CA5A: variants seen among roughly 807,000 people sequenced by gnomAD.
CA5A encodes the protein carbonic anhydrase 5A, mitochondrial.
In CA5A, 28 loss-of-function variants were observed where a neutral mutation model predicts 37.1. The observed-to-expected ratio is 0.75, with a 90% CI of 0.56 to 1.03. The LOEUF (loss-of-function observed/expected upper bound fraction) is 1.03. Ranked by LOEUF, CA5A falls within the 50% of genes least tolerant of loss-of-function variation. CA5A has a pLI of 0.00. For synonymous variants in CA5A, 171 were observed against 158.4 expected, an observed-to-expected ratio of 1.08 and a Z score of -0.60; for missense variants, 444 against 399.9, an observed-to-expected ratio of 1.11 and a Z score of -0.94.
chr16:87,927,079 C>T (rs747921262), intron 1 of CA5A, 134 bp from the exon 2 acceptor site: 17 of 663,396 alleles, frequency 2.6e-5, no homozygotes, highest in South Asian at 3.7e-5. Context: ...GGGAAACGGG[C>T]GCGTGGGGGC....
chr16:87,897,653 C>G (rs1012316106), intron 5 of CA5A, among the ~76,000 whole-genome samples: 1 of 152,220 alleles, frequency 6.6e-6, no homozygotes, highest in African/African-American at 2.4e-5. Flanking sequence ...TGGGTTCTGA[C>G]TGCATGCGGG....
At chr16:87,918,465 C>T (rs1327300359) in intron 2 of CA5A, among the ~76,000 whole-genome samples, 1 of 152,182 alleles carries the variant, frequency 6.6e-6, no homozygotes, top group African/African-American at 2.4e-5. Context: ...GCCCTTGCCG[C>T]CACCTCTGTT....
chr16:87,914,361 G>A (rs1453044007), intron 2 of CA5A, among the ~76,000 whole-genome samples: 1 of 152,174 alleles, frequency 6.6e-6, no homozygotes. Context: ...TCAGGCAACC[G>A]CCAGCAGCAC....
At chr16:87,902,595 A>C (rs1013193368) in intron 3 of CA5A, 75 bp from the exon 4 acceptor site, 2 of 811,902 alleles carry the variant, frequency 2.5e-6, no homozygotes, top group Non-Finnish European at 4.3e-6. Flanking sequence ...TGAATGGCTG[A>C]CCTATGTGTC....
At chr16:87,887,053 C>A (rs144869957), downstream of CA5A, 10,116 of 151,604 alleles carry the variant, frequency 0.067, 366 homozygotes, top group Middle Eastern at 0.15. Flanking sequence ...CAGGCATGAG[C>A]CACCACACCT....
intron 2 of CA5A, among the ~76,000 whole-genome samples, chr16:87,916,791 G>C (rs763912914): frequency 1.1e-4 from 17 of 152,086 alleles, no homozygotes; most frequent in Admixed American, 2.0e-4. Flanking sequence ...GAAGCGTCTG[G>C]GAAGCTGGAC....
chr16:87,922,511 G>A (rs531881910), intron 2 of CA5A, among the ~76,000 whole-genome samples: 2 of 152,234 alleles, frequency 1.3e-5, no homozygotes, highest in Non-Finnish European at 2.9e-5. Flanking sequence ...AAAATGACAA[G>A]TGTGCCCTTA....
intron 2 of CA5A, 69 bp from the exon 3 acceptor site, chr16:87,904,973 C>T: frequency 1.1e-6 from 1 of 915,574 alleles, no homozygotes; most frequent in South Asian, 1.3e-5. Context: ...TTACCTGAGG[C>T]ATTGTCTACA....
At chr16:87,895,382 C>G (rs1400611764) in intron 5 of CA5A, among the ~76,000 whole-genome samples, 5 of 152,020 alleles carry the variant, frequency 3.3e-5, no homozygotes, top group Non-Finnish European at 7.4e-5. Context: ...CATGTCTCTA[C>G]TAAAAATACA....
chr16:87,899,230 C>A (rs1301735178), intron 5 of CA5A, among the ~76,000 whole-genome samples: 2 of 151,530 alleles, frequency 1.3e-5, no homozygotes, highest in Non-Finnish European at 1.5e-5. Context: ...CAAGTCTCTT[C>A]CCATTCCCTG....
At chr16:87,884,595 G>C (rs187944953), downstream of CA5A, 1 of 151,922 alleles carries the variant, frequency 6.6e-6, no homozygotes, top group Non-Finnish European at 1.5e-5. Context: ...TTCGCTGGGC[G>C]TGGTGGCGGG....
chr16:87,931,953 C>A (rs939744632), intron 1 of CA5A, among the ~76,000 whole-genome samples: 7 of 137,108 alleles, frequency 5.1e-5, no homozygotes, highest in African/African-American at 1.0e-4. Context: ...CAAAGAGCCT[C>A]TCTGAGGCTG....
intron 5 of CA5A, among the ~76,000 whole-genome samples, chr16:87,893,996 C>T (rs1042114730): frequency 6.6e-6 from 1 of 152,226 alleles, no homozygotes; most frequent in Non-Finnish European, 1.5e-5. Context: ...TGGGCTCAAG[C>T]GATCCTCCTG....
Position 87,904,792 on chromosome 16 carries a change from G to A in CA5A, c.453C>T (p.Pro151=), listed in dbSNP as rs7186698. The stretch of plus-strand genomic sequence containing the variant: ...TTAGGCCACGTCTACAAACCTCTGC[G>A]GGGTACGCGTGGCCGTCCACTGTGT... The part of the protein sequence containing the change: ...SEHTVDGHAY[P]AELHLVHWNS... Residue 151 remains proline, a synonymous_variant, in exon 3 of 7, where the codon CCC becomes CCT. Transcript: ENST00000649794. The A allele has an allele frequency of 0.19, 310,532 of 1,595,794 alleles. 31,835 individuals carry two copies. The highest frequency in any genetic ancestry group is 0.28 in the South Asian group (25,622 of 90,624).
intron 2 of CA5A, among the ~76,000 whole-genome samples, chr16:87,919,712 G>C (rs1046773982): frequency 6.6e-6 from 1 of 152,164 alleles, no homozygotes; most frequent in African/African-American, 2.4e-5. Context: ...AAACCAAAAA[G>C]AAGTCTTAAG....
At chr16:87,898,737 T>C (rs1266480712) in intron 5 of CA5A, among the ~76,000 whole-genome samples, 1 of 150,014 alleles carries the variant, frequency 6.7e-6, no homozygotes, top group Non-Finnish European at 1.5e-5. Context: ...GGATTTTTTT[T>C]TTTTTTTTTT....
At chr16:87,887,259 T>C (rs2055656020), downstream of CA5A, 1 of 152,050 alleles carries the variant, frequency 6.6e-6, no homozygotes, top group Non-Finnish European at 1.5e-5. Context: ...TCTGGTTTTA[T>C]CCTGCCAGAT....
chr16:87,889,353 T>C (rs7187182), intron 6 of CA5A, among the ~76,000 whole-genome samples: 60,834 of 151,948 alleles, frequency 0.4, 15,252 homozygotes, highest in African/African-American at 0.72. Flanking sequence ...TGCACCCGGC[T>C]CAAATGATTG....
intron 4 of CA5A, chr16:87,882,268 C>T (rs1384312517): frequency 2.6e-5 from 4 of 152,224 alleles, no homozygotes; most frequent in East Asian, 3.8e-4. Flanking sequence ...CTTCCATCAG[C>T]GTGAACTGCC....
Sources: allele counts gnomAD v4.1 joint callset (sites outside exome capture counted in the v4.1 genomes callset), GRCh38; gene constraint gnomAD v4.1.1; transcripts MANE v1.5; gene names NCBI Gene and HGNC (gene_info 2026-07-23, HGNC 2026-07-21).